The following TLK2 variants were observed in gnomAD, a reference collection of about 807,000 sequenced individuals.
TLK2 encodes the protein serine/threonine-protein kinase tousled-like 2.
TLK2 carries 6 observed loss-of-function variants against 117.3 expected under a neutral mutation model. The observed-to-expected ratio is 0.05, with a 90% CI of 0.03 to 0.10. The LOEUF is 0.10. Ranked by LOEUF, TLK2 falls within the 10% of genes least tolerant of loss-of-function variation. The pLI is 1.00. For synonymous variants in TLK2, 257 were observed against 316.7 expected, an observed-to-expected ratio of 0.81 and a Z score of 2.00; for missense variants, 299 against 901.2, an observed-to-expected ratio of 0.33 and a Z score of 8.56.
rs1015103461 is a variant in TLK2 at position 62,591,956 on chromosome 17, C to CTT, written c.1461-4617_1461-4616dup. Among the ~76,000 whole-genome samples the CTT allele has an allele frequency of 2.1e-5, 3 of 145,638 alleles. 1 individual carries two copies. Among genetic ancestry groups the CTT allele is most frequent in the Non-Finnish European group, 1.5e-5 (1 of 66,014 alleles). Reference sequence around the variant, plus strand: ...GTAAATAAGAACTACATTCTTTCTTCTTTTTTTTTTTTTCCGAGACAGAGT... The same window carrying CTT: ...GTAAATAAGAACTACATTCTTTCTTCTTTTTTTTTTTTTTTCCGAGACAGAGT... On this transcript the variant is annotated intron_variant, in intron 16 of 21. Transcript: ENST00000346027.
chr17:62,573,118 C>T, intron 11 of TLK2, 97 bp from the exon 12 acceptor site: 1 of 1,372,898 alleles, frequency 7.3e-7, no homozygotes, highest in Non-Finnish European at 9.7e-7. Flanking sequence ...CTTATTTTTT[C>T]TGAAATTGGA....
intron 19 of TLK2, among the ~76,000 whole-genome samples, chr17:62,604,856 G>A (rs1239137830): frequency 3.3e-5 from 5 of 151,170 alleles, no homozygotes; most frequent in Admixed American, 6.6e-5. Flanking sequence ...GCAATGGAGC[G>A]AGACTCTGTC....
chr17:62,492,924 C>G (rs1410384718), intron 2 of TLK2, among the ~76,000 whole-genome samples: 4 of 151,900 alleles, frequency 2.6e-5, no homozygotes, highest in Non-Finnish European at 5.9e-5. Context: ...AGTGAAACCC[C>G]AACTCTACTA....
Position 62,540,103 on chromosome 17 carries a change from T to C in TLK2, c.531+3766T>C, listed in dbSNP as rs549362774. ...TTCTTCTTCTTTCTTTCTTTTCTTT[T>C]TTTTTTTTTTTTTTAATAGAGACAG... On this transcript the variant is annotated intron_variant, in intron 7 of 21. Coordinates refer to ENST00000346027, the MANE Select transcript of TLK2 (RefSeq NM_006852.6). Among the ~76,000 whole-genome samples, 76 of 147,544 alleles carry C rather than the reference T, an allele frequency of 5.2e-4. No individual in the cohort carries two copies. The South Asian group carries it at 8.1e-3, about 16-fold the overall frequency.
chr17:62,581,181 T>C (rs560307820), intron 15 of TLK2, among the ~76,000 whole-genome samples: 2 of 151,940 alleles, frequency 1.3e-5, no homozygotes, highest in Non-Finnish European at 2.9e-5. Flanking sequence ...TTTTAAATTT[T>C]TTCTAGAGAC....
intron 10 of TLK2, among the ~76,000 whole-genome samples, chr17:62,560,911 T>C (rs1305643206): frequency 6.6e-6 from 1 of 152,180 alleles, no homozygotes; most frequent in African/African-American, 2.4e-5. Flanking sequence ...TGTGCCATAT[T>C]GATGTGCTGC....
chr17:62,518,319 AAAAC>A (rs2075778688), intron 2 of TLK2, among the ~76,000 whole-genome samples: 1 of 152,254 alleles, frequency 6.6e-6, no homozygotes, highest in Non-Finnish European at 1.5e-5. Context: ...AGTAAAATGT[AAAAC>A]AAATAAGAGG....
chr17:62,543,444 T>C (rs1257215462), intron 7 of TLK2, among the ~76,000 whole-genome samples: 1 of 152,204 alleles, frequency 6.6e-6, no homozygotes, highest in Non-Finnish European at 1.5e-5. Context: ...AGCTGCACCA[T>C]TTTACATTCC....
At chr17:62,536,531 C>G (rs1450349012) in intron 7 of TLK2, among the ~76,000 whole-genome samples, 194 bp downstream of exon 7, 1 of 152,058 alleles carries the variant, frequency 6.6e-6, no homozygotes, top group Non-Finnish European at 1.5e-5. Context: ...TTTTCCCAGT[C>G]TCCCTTGGTT....
At chr17:62,591,015 G>A (rs1004231137) in intron 16 of TLK2, among the ~76,000 whole-genome samples, 1 of 152,184 alleles carries the variant, frequency 6.6e-6, no homozygotes, top group African/African-American at 2.4e-5. Flanking sequence ...ACTTTGGGAG[G>A]CCGAGGCCGG....
rs192657340 is a variant in TLK2 at position 62,592,114 on chromosome 17, C to T, written c.1461-4471C>T. Among the ~76,000 whole-genome samples the T allele has an allele frequency of 4.9e-3, 739 of 152,030 alleles. 9 individuals carry two copies. The highest frequency in any genetic ancestry group is 0.017 in the African/African-American group (711 of 41,482). On this transcript the variant is annotated intron_variant, in intron 16 of 21. Transcript: ENST00000346027. The stretch of plus-strand genomic sequence containing the variant: ...GGATTACAGGCATGCGCCACCACCC[C>T]GGCTAATTTTGTATTTTTTTTTTTA...
intron 2 of TLK2, among the ~76,000 whole-genome samples, chr17:62,514,022 G>T (rs563239645): frequency 6.6e-6 from 1 of 152,016 alleles, no homozygotes; most frequent in African/African-American, 2.4e-5. Flanking sequence ...ACGATTAAAT[G>T]TGCTAATATA....
chr17:62,486,768 A>G (rs1373621527), intron 2 of TLK2, among the ~76,000 whole-genome samples: 5 of 152,242 alleles, frequency 3.3e-5, no homozygotes, highest in Admixed American at 1.3e-4. Flanking sequence ...AACAAAAGCA[A>G]TAAGAAATGA....
chr17:62,535,129 C>A (rs2077025628), intron 6 of TLK2, among the ~76,000 whole-genome samples: 2 of 152,126 alleles, frequency 1.3e-5, no homozygotes, highest in South Asian at 4.2e-4. Flanking sequence ...TTCAAGTGAT[C>A]CGCCTGCCTT....
intron 9 of TLK2, among the ~76,000 whole-genome samples, chr17:62,557,901 C>T (rs548740975): frequency 3.9e-5 from 6 of 152,288 alleles, no homozygotes; most frequent in Middle Eastern, 3.4e-3. Context: ...TCTACTCCGT[C>T]GTCTTCAGAC....
At chr17:62,508,106 T>G (rs2145178391) in intron 2 of TLK2, among the ~76,000 whole-genome samples, 1 of 151,896 alleles carries the variant, frequency 6.6e-6, no homozygotes, top group East Asian at 1.9e-4. Flanking sequence ...ATCAGACTAG[T>G]TAAATTTGTT....
chr17:62,478,677 AGCGGGGAC>A (rs2071211870), upstream of TLK2, among the ~76,000 whole-genome samples: 1 of 104,620 alleles, frequency 9.6e-6, no homozygotes, highest in Non-Finnish European at 2.1e-5. Flanking sequence ...GCGCCGGGGC[AGCGGGGAC>A]CCCCCCCCAC....
intron 12 of TLK2, chr17:62,574,384 A>G: frequency 6.7e-7 from 1 of 1,487,020 alleles, no homozygotes; most frequent in Non-Finnish European, 9.1e-7. Context: ...ATACAGCCCC[A>G]GCCTTAGGAG....
chr17:62,576,692 T>C lies in TLK2; in HGVS notation c.1122-17T>C. On this transcript the variant is annotated splice_polypyrimidine_tract_variant and intron_variant, in intron 12 of 21. Coordinates refer to ENST00000346027, the MANE Select transcript of TLK2 (RefSeq NM_006852.6). ...GATTTCTAGTAGTTTACTGAAACTT[T>C]TACCACTGTTTTTCAGGTTAACGTT... The C allele has an allele frequency of 6.2e-7, 1 of 1,606,776 alleles. No individual in the cohort carries two copies. Among genetic ancestry groups the C allele is most frequent in the South Asian group, 1.1e-5 (1 of 90,848 alleles).
Sources: gnomAD v4.1 joint callset for allele counts (sites outside exome capture counted in the v4.1 genomes callset) on GRCh38, gnomAD v4.1.1 for gene constraint, MANE v1.5 for transcripts, NCBI Gene and HGNC (gene_info 2026-07-23, HGNC 2026-07-21) for gene names.